The following CTTNBP2 variants were observed in gnomAD, a reference collection of about 807,000 sequenced individuals.
The protein encoded by CTTNBP2 is cortactin-binding protein 2.
Under a neutral mutation model 156.9 loss-of-function variants are expected in CTTNBP2, and 108 were observed. That is an observed-to-expected ratio of 0.69 (90% CI 0.59 to 0.81). The LOEUF is 0.81. CTTNBP2 is among the 30% of genes least tolerant of loss of function. The pLI, the probability that CTTNBP2 is intolerant of heterozygous loss-of-function variation, is 0.00. For synonymous variants in CTTNBP2, 767 were observed against 751.8 expected (o/e 1.02, Z -0.33); for missense variants, 1,924 against 2,035.4 (o/e 0.95, Z 1.05).
intron 8 of CTTNBP2, among the ~76,000 whole-genome samples, chr7:117,776,716 T>C (rs543793797): frequency 1.3e-5 from 2 of 152,358 alleles, no homozygotes; most frequent in South Asian, 4.1e-4. Flanking sequence ...GAAATATGTA[T>C]GTTCTCTTTC....
intron 6 of CTTNBP2, among the ~76,000 whole-genome samples, chr7:117,782,031 C>A (rs1241721356): frequency 6.6e-6 from 1 of 152,062 alleles, no homozygotes; most frequent in Admixed American, 6.5e-5. Flanking sequence ...ATAAATAATT[C>A]ATTTTGAATT....
rs772691027 is a variant in CTTNBP2 at position 117,760,663 on chromosome 7, T to C, written c.2944A>G (p.Ser982Gly). 6.2e-7 allele frequency: 1 copy of C among 1,612,778 alleles called. No homozygotes were observed. The highest frequency in any genetic ancestry group is 1.3e-5 in the African/African-American group (1 of 74,882). The change falls in exon 10 of 23, where the codon AGC (serine) becomes GGC (glycine). Residue 982 changes from serine to glycine, a missense_variant. Coordinates refer to ENST00000160373, the MANE Select transcript of CTTNBP2 (RefSeq NM_033427.3). ...LRISVGEIEP[S>G]NYGSDDLECE... ...TCCAAGTCATCAGAACCATAGTTGC[T>C]TGGTTCAATCTCACCCACTGAAATC...
chr7:117,830,719 G>A (rs1181424274), intron 2 of CTTNBP2, among the ~76,000 whole-genome samples: 3 of 152,148 alleles, frequency 2.0e-5, no homozygotes, highest in Admixed American at 1.3e-4. Flanking sequence ...TATTAGGAAC[G>A]CCTCCCTCTC....
intron 8 of CTTNBP2, among the ~76,000 whole-genome samples, chr7:117,774,950 G>C (rs1323469130): frequency 6.6e-6 from 1 of 152,016 alleles, no homozygotes; most frequent in Non-Finnish European, 1.5e-5. Flanking sequence ...AGTTATAAGT[G>C]GATTACTTTC....
chr7:117,869,900 C>T (rs142044140), intron 1 of CTTNBP2, among the ~76,000 whole-genome samples: 72 of 152,200 alleles, frequency 4.7e-4, no homozygotes, highest in African/African-American at 1.6e-3. Context: ...TTTTCTGAAC[C>T]ATATAGCTGA....
intron 22 of CTTNBP2, among the ~76,000 whole-genome samples, chr7:117,714,741 G>A (rs1794247266): frequency 6.6e-6 from 1 of 152,154 alleles, no homozygotes; most frequent in Non-Finnish European, 1.5e-5. Flanking sequence ...ATGAGAACAT[G>A]GAGAATCACT....
At chr7:117,725,931 T>C (rs1401418411) in intron 17 of CTTNBP2, among the ~76,000 whole-genome samples, 1 of 152,142 alleles carries the variant, frequency 6.6e-6, no homozygotes, top group East Asian at 1.9e-4. Flanking sequence ...TCAAGGGATC[T>C]GCCTGCCTTG....
chr7:117,773,268 G>T (rs185765423), intron 8 of CTTNBP2, among the ~76,000 whole-genome samples: 48 of 152,284 alleles, frequency 3.2e-4, no homozygotes, highest in Non-Finnish European at 7.4e-5. Flanking sequence ...GTGTTGGGGC[G>T]TCATGTGGAC....
At chr7:117,795,190 C>T (rs1480754866) in intron 3 of CTTNBP2, among the ~76,000 whole-genome samples, 5 of 151,906 alleles carry the variant, frequency 3.3e-5, no homozygotes, top group Admixed American at 6.6e-5. Context: ...CGACCGCGCC[C>T]GGCCTACTGT....
chr7:117,736,717 C>G (rs958281498), intron 14 of CTTNBP2, among the ~76,000 whole-genome samples: 5 of 152,110 alleles, frequency 3.3e-5, no homozygotes, highest in African/African-American at 1.2e-4. Context: ...AAAACAGTAC[C>G]TGGCATCTAC....
chr7:117,803,808 G>A (rs978310853), intron 3 of CTTNBP2, among the ~76,000 whole-genome samples: 3 of 152,054 alleles, frequency 2.0e-5, no homozygotes, highest in Admixed American at 1.3e-4. Context: ...TGAAGAAATG[G>A]GTACCAAATG....
intron 2 of CTTNBP2, among the ~76,000 whole-genome samples, chr7:117,812,588 C>A (rs1457919207): frequency 6.6e-6 from 1 of 152,064 alleles, no homozygotes; most frequent in Non-Finnish European, 1.5e-5. Flanking sequence ...TTTAAGCTAG[C>A]TTTCAGAAGA....
At chr7:117,722,756 C>G (rs1445798594) in intron 19 of CTTNBP2, among the ~76,000 whole-genome samples, 1 of 152,152 alleles carries the variant, frequency 6.6e-6, no homozygotes, top group African/African-American at 2.4e-5. Flanking sequence ...CAGTGAAGAG[C>G]CTCAATGGGT....
chr7:117,756,725 G>A lies in CTTNBP2; in HGVS notation c.3269-91C>T, dbSNP rs1796906158. ...ACAGAATCTATCATAGAAGATGAAT[G>A]TGTTTGTTGACTTATGTAGGCAGAG... On this transcript the variant is annotated intron_variant, in intron 11 of 22. Coordinates refer to ENST00000160373, the MANE Select transcript of CTTNBP2 (RefSeq NM_033427.3). The A allele has an allele frequency of 4.4e-6, 4 of 918,062 alleles. No individual in the cohort carries two copies. In the South Asian group the frequency reaches 5.3e-5, roughly 12 times the overall value. 56.9% of individuals were successfully genotyped at this position (918,062 alleles called of 1,614,324 possible).
chr7:117,849,426 A>C (rs145625705), intron 2 of CTTNBP2, among the ~76,000 whole-genome samples: 1 of 152,184 alleles, frequency 6.6e-6, no homozygotes, highest in South Asian at 2.1e-4. Context: ...CTGATGCTGC[A>C]GGTATGGAAA....
At chr7:117,811,060 T>C (rs1294627296) in intron 2 of CTTNBP2, 71 bp from the exon 3 acceptor site, 10 of 1,193,184 alleles carry the variant, frequency 8.4e-6, no homozygotes, top group Middle Eastern at 2.7e-4. Context: ...ATAAGAAGGT[T>C]TTGTGATTAT....
rs867374363 is a variant in CTTNBP2, at chr7:117,719,438, T to C, written c.4644+66A>G. 1.1e-4 allele frequency: 156 copies of C among 1,418,378 alleles called. No individual in the cohort carries two copies. In the Admixed American group the frequency reaches 1.2e-3, roughly 11 times the overall value. The allele number at this position is 1,418,378 out of a possible 1,614,324, so 87.9% of individuals were successfully genotyped here. A position where few individuals can be genotyped will look rare whatever the true frequency, so the allele number is the denominator to read the frequency against. On this transcript the variant is annotated intron_variant, in intron 21 of 22. Coordinates refer to ENST00000160373, the MANE Select transcript of CTTNBP2 (RefSeq NM_033427.3). ...ATAAGGAATTTCTTTTAGGGAATTG[T>C]GGTCCCCCAAAAGTCTCCCAGCTGT... is the stretch of plus-strand genomic sequence containing the variant.
chr7:117,807,152 T>C (rs1448557241), intron 3 of CTTNBP2, among the ~76,000 whole-genome samples: 2 of 152,120 alleles, frequency 1.3e-5, no homozygotes, highest in African/African-American at 4.8e-5. Flanking sequence ...CCCTTGACAA[T>C]GGCTCTGCAA....
Position 117,791,858 on chromosome 7 carries a change from T to C in CTTNBP2, c.1338A>G (p.Gln446=), listed in dbSNP as rs1799036709. The change falls in exon 4 of 23, where the codon CAA becomes CAG. Residue 446 remains glutamine (Q), a synonymous_variant. Transcript: ENST00000160373. The part of the protein sequence containing the change: ...SLHPGLNPRI[Q]AARFRFQGNA... Reference sequence around the variant, plus strand: ...TGCCCTGAAATCTAAATCTAGCTGCTTGGATTCGTGGGTTTAGACCTGGAT... The same window carrying C: ...TGCCCTGAAATCTAAATCTAGCTGCCTGGATTCGTGGGTTTAGACCTGGAT... 1 of 1,614,042 alleles carries C rather than the reference T, an allele frequency of 6.2e-7. No individual in the cohort carries two copies. Among genetic ancestry groups the C allele is most frequent in the African/African-American group, 1.3e-5 (1 of 74,906 alleles).
Sources: gnomAD v4.1 joint callset for allele counts (sites outside exome capture counted in the v4.1 genomes callset) on GRCh38, gnomAD v4.1.1 for gene constraint, MANE v1.5 for transcripts, NCBI Gene and HGNC (gene_info 2026-07-23, HGNC 2026-07-21) for gene names.